The following RXYLT1 variants were observed in gnomAD, a reference collection of about 807,000 sequenced individuals.
RXYLT1 encodes the protein ribitol xylosyltransferase 1.
In RXYLT1, 41 loss-of-function variants were observed where a neutral mutation model predicts 43.5. The ratio of observed to expected loss-of-function variants is 0.94; its 90% CI spans 0.73 to 1.22. The LOEUF is 1.22. RXYLT1 is among the 50% of genes most tolerant of loss of function. RXYLT1 has a pLI of 0.00. For missense variants in RXYLT1, 514 were observed against 532.0 expected (o/e 0.97, Z 0.33); for synonymous variants, 166 against 194.4 (o/e 0.85, Z 1.21).
chr12:63,803,444 T>C (rs1201319371), intron 4 of RXYLT1, among the ~76,000 whole-genome samples: 1 of 152,114 alleles, frequency 6.6e-6, no homozygotes, highest in Non-Finnish European at 1.5e-5. Flanking sequence ...ATGAAAAATC[T>C]CACTGACATG....
At chr12:63,783,675 A>G (rs1897737088) in intron 2 of RXYLT1, among the ~76,000 whole-genome samples, 1 of 152,114 alleles carries the variant, frequency 6.6e-6, no homozygotes, top group Non-Finnish European at 1.5e-5. Flanking sequence ...GCCTTTCCCC[A>G]TTACCCAATT....
Position 63,802,167 on chromosome 12 carries a change from A to G in RXYLT1, c.505A>G (p.Arg169Gly), listed in dbSNP as rs1279448105. ...TAATGTGGTACTCATTTTAAATGGA[A>G]GAGAAAAAGCAAAGATCTTTTATGC... The part of the protein sequence containing the change: ...VNNVVLILNG[R>G]EKAKIFYATQ... The change falls in exon 4 of 6, where the codon AGA becomes GGA. Residue 169 changes from arginine (R) to glycine (G), a missense_variant. Physicochemically the swap from Arg to Gly is moderately radical, Grantham distance 125. Transcript: ENST00000261234. 6.2e-7 allele frequency: 1 copy of G among 1,614,084 alleles called. No individual in the cohort carries two copies. Among genetic ancestry groups the G allele is most frequent in the Non-Finnish European group, 8.5e-7 (1 of 1,180,008 alleles).
chr12:63,794,445 AAATT>A (rs1897984071), intron 3 of RXYLT1, among the ~76,000 whole-genome samples: 2 of 152,198 alleles, frequency 1.3e-5, no homozygotes, highest in Non-Finnish European at 2.9e-5. Context: ...AATATTAAAT[AAATT>A]GAGAGATCCA....
rs74923765 is a variant in RXYLT1 at position 63,796,220 on chromosome 12, C to G, written c.429-5871C>G. ...AGAACGTCCTTTAGTTTGGGTTTGTCTGATGTTTCCTTACAGTTCAGTTCA... is the reference window on the plus strand; with the variant it reads ...AGAACGTCCTTTAGTTTGGGTTTGTGTGATGTTTCCTTACAGTTCAGTTCA... On this transcript the variant is annotated intron_variant, in intron 3 of 5. Transcript: ENST00000261234. Among the ~76,000 whole-genome samples, 758 of 152,248 alleles carry G rather than the reference C, an allele frequency of 5.0e-3. 10 individuals are homozygous for G. Among genetic ancestry groups the G allele is most frequent in the African/African-American group, 0.017 (720 of 41,542 alleles).
At chr12:63,798,073 CCT>C (rs960757368) in intron 3 of RXYLT1, among the ~76,000 whole-genome samples, 55 of 152,128 alleles carry the variant, frequency 3.6e-4, no homozygotes, top group African/African-American at 1.2e-3. Flanking sequence ...CTACCTATCT[CCT>C]CTTTCTCAGC....
At position 63,805,422 on chromosome 12, in the gene RXYLT1, T is replaced by G. The variant is rs1339267183; in HGVS notation, c.914+18T>G. On this transcript the variant is annotated intron_variant, in intron 5 of 5. Transcript: ENST00000261234. ...AGAGAACAGTAAGTTCTATGCTTAT[T>G]TAATTCATTCATTTTGTTCTCCAGT... is the stretch of plus-strand genomic sequence containing the variant. 2 of 1,547,754 alleles carry G rather than the reference T, an allele frequency of 1.3e-6. No homozygotes were observed. The highest frequency in any genetic ancestry group is 1.7e-6 in the Non-Finnish European group (2 of 1,151,292).
At chr12:63,789,953 G>T (rs931909225) in intron 3 of RXYLT1, among the ~76,000 whole-genome samples, 2 of 152,176 alleles carry the variant, frequency 1.3e-5, no homozygotes, top group Admixed American at 1.3e-4. Flanking sequence ...TAAGATACTT[G>T]TTGAAAATAA....
At chr12:63,789,661 A>G (rs1441420982) in intron 3 of RXYLT1, among the ~76,000 whole-genome samples, 1 of 152,252 alleles carries the variant, frequency 6.6e-6, no homozygotes, top group Non-Finnish European at 1.5e-5. Flanking sequence ...GCCAAAGAGT[A>G]ATACCGTTTC....
rs147299717 is a variant in RXYLT1 at position 63,805,164 on chromosome 12, G to A, written c.744-70G>A. 9.4e-3 allele frequency: 11,591 copies of A among 1,234,684 alleles called. 88 individuals are homozygous for A. Among genetic ancestry groups the A allele is most frequent in the South Asian group, 0.025 (1,458 of 58,748 alleles). 76.5% of individuals were successfully genotyped at this position (1,234,684 alleles called of 1,614,324 possible). On this transcript the variant is annotated intron_variant, in intron 4 of 5. Coordinates refer to ENST00000261234, the MANE Select transcript of RXYLT1 (RefSeq NM_014254.3). ...CTTCTGTATACTTCTTGCTACCTAA[G>A]AGATTGGGTTATGGGGAATTTTTGC...
intron 1 of RXYLT1, chr12:63,780,368 G>C (rs1462260528): frequency 5.4e-6 from 7 of 1,287,130 alleles, no homozygotes; most frequent in African/African-American, 1.6e-5. Context: ...TGACAGGCGC[G>C]CACGCCTTTC....
chr12:63,796,963 CTTTT>C (rs776895611), intron 3 of RXYLT1, among the ~76,000 whole-genome samples: 1 of 132,326 alleles, frequency 7.6e-6, no homozygotes, highest in Non-Finnish European at 1.6e-5. Context: ...TTTTCTTTTT[CTTTT>C]TTTTTTTTTT....
chr12:63,794,372 G>C (rs1369977729), intron 3 of RXYLT1, among the ~76,000 whole-genome samples: 3 of 152,004 alleles, frequency 2.0e-5, no homozygotes, highest in Non-Finnish European at 2.9e-5. Context: ...TTAAAACTTT[G>C]ACCACCAAAA....
chr12:63,809,214 G>T lies in RXYLT1; in HGVS notation c.*122G>T, dbSNP rs1477787490. 1.4e-6 allele frequency: 1 copy of T among 700,000 alleles called. No homozygotes were observed. Among genetic ancestry groups the T allele is most frequent in the Non-Finnish European group, 2.3e-6 (1 of 438,924 alleles). 43.4% of individuals were successfully genotyped at this position (700,000 alleles called of 1,614,324 possible). On this transcript the variant is annotated 3_prime_UTR_variant, in exon 6 of 6. Coordinates refer to ENST00000261234, the MANE Select transcript of RXYLT1 (RefSeq NM_014254.3). ...GGTACCCTTGAAAACTCTACATTAT[G>T]TATGCCACATAATGACATTTCAGTC...
intron 3 of RXYLT1, among the ~76,000 whole-genome samples, chr12:63,787,105 CAAAG>C (rs949821098): frequency 1.3e-5 from 2 of 150,134 alleles, no homozygotes; most frequent in Non-Finnish European, 3.0e-5. Flanking sequence ...CAGAATGAGT[CAAAG>C]AAAAAAAAAA....
chr12:63,805,214 A>G lies in RXYLT1; in HGVS notation c.744-20A>G, dbSNP rs1382952251. 6.3e-7 allele frequency: 1 copy of G among 1,578,964 alleles called. No homozygotes were observed. The highest frequency in any genetic ancestry group is 2.3e-5 in the East Asian group (1 of 44,130). ...CCAATTCTATATCATATGTTAATTCATGTGTATTTATTTTTATAGATACAG... is the reference window on the plus strand; with the variant it reads ...CCAATTCTATATCATATGTTAATTCGTGTGTATTTATTTTTATAGATACAG... On this transcript the variant is annotated intron_variant, in intron 4 of 5. Transcript: ENST00000261234.
intron 5 of RXYLT1, chr12:63,806,695 A>G (rs1389358056): frequency 6.6e-6 from 1 of 152,124 alleles, no homozygotes; most frequent in Non-Finnish European, 1.5e-5. Flanking sequence ...CTTGTTTCTC[A>G]TTGTTGCTTC....
At chr12:63,801,979 A>T in intron 3 of RXYLT1, 112 bp from the exon 4 acceptor site, 1 of 1,005,678 alleles carries the variant, frequency 9.9e-7, no homozygotes, top group Non-Finnish European at 1.4e-6. Flanking sequence ...TTCTAGATAG[A>T]ATGTGGATTA....
intron 3 of RXYLT1, among the ~76,000 whole-genome samples, chr12:63,799,834 C>G (rs1361578748): frequency 6.6e-6 from 1 of 152,020 alleles, no homozygotes; most frequent in Admixed American, 6.6e-5. Flanking sequence ...AAGAGAAATA[C>G]AAAGTATTCG....
At chr12:63,782,559 C>T (rs1164307329) in intron 2 of RXYLT1, 1 of 456,620 alleles carries the variant, frequency 2.2e-6, no homozygotes, top group Non-Finnish European at 4.4e-6. Flanking sequence ...GGCAGCGTTT[C>T]TGCTCATAAA....
Sources: allele counts gnomAD v4.1 joint callset (sites outside exome capture counted in the v4.1 genomes callset), GRCh38; gene constraint gnomAD v4.1.1; transcripts MANE v1.5; gene names NCBI Gene and HGNC (gene_info 2026-07-23, HGNC 2026-07-21).